SUPT16H: variants seen among roughly 807,000 people sequenced by gnomAD.
SUPT16H encodes the protein SPT16 homolog, facilitates chromatin remodeling subunit.
A neutral mutation model predicts 136.2 loss-of-function variants in SUPT16H; 24 were observed. The ratio of observed to expected loss-of-function variants is 0.18; its 90% CI spans 0.13 to 0.25. The LOEUF is 0.25. Among genes scored for constraint, SUPT16H ranks in the 10% least tolerant of loss-of-function variants. The pLI, the probability that SUPT16H is intolerant of heterozygous loss-of-function variation, is 1.00. For synonymous variants in SUPT16H, 415 were observed against 428.2 expected, an observed-to-expected ratio of 0.97 and a Z score of 0.38; for missense variants, 623 against 1,270.2, an observed-to-expected ratio of 0.49 and a Z score of 7.74.
At chr14:21,374,984 C>T (rs1317051351) in intron 1 of SUPT16H, among the ~76,000 whole-genome samples, 1 of 152,100 alleles carries the variant, frequency 6.6e-6, no homozygotes, top group Non-Finnish European at 1.5e-5. Context: ...GTTTTGATGA[C>T]AGCCATATAA....
intron 1 of SUPT16H, among the ~76,000 whole-genome samples, chr14:21,379,579 G>A (rs1886976426): frequency 6.6e-6 from 1 of 151,886 alleles, no homozygotes; most frequent in Non-Finnish European, 1.5e-5. Flanking sequence ...TTGGCCAGGT[G>A]CAGTGACTTA....
In SUPT16H at chr14:21,357,377, GA is replaced by G; in HGVS notation, c.2491-12del. The stretch of plus-strand genomic sequence containing the variant: ...CACCACAAAAGGTGGCTGTCAGGGA[GA>G]AACTGAATCATTAGCATATAAGTAT... On this transcript the variant is annotated splice_polypyrimidine_tract_variant and intron_variant, in intron 21 of 25. Transcript: ENST00000216297. The G allele has an allele frequency of 6.4e-7, 1 of 1,564,314 alleles. No individual in the cohort carries two copies. Among genetic ancestry groups the G allele is most frequent in the East Asian group, 2.3e-5 (1 of 43,142 alleles).
rs1346083311 is a variant in SUPT16H, at chr14:21,353,576, AT to A, written c.2921-12del. On this transcript the variant is annotated splice_polypyrimidine_tract_variant and intron_variant, in intron 24 of 25. Coordinates refer to ENST00000216297, the MANE Select transcript of SUPT16H (RefSeq NM_007192.4). ...ACTCCTTAGAATAGTCTGGAAGAAA[AT>A]TAATTAAGCGTTAGTCATCATGCGG... is the stretch of plus-strand genomic sequence containing the variant. 1 of 1,613,156 alleles carries A rather than the reference AT, an allele frequency of 6.2e-7. No homozygotes were observed. The highest frequency in any genetic ancestry group is 1.7e-5 in the Admixed American group (1 of 59,796).
At chr14:21,357,415 CAAT>C in intron 21 of SUPT16H, 49 bp from the exon 22 acceptor site, 2 of 1,451,828 alleles carry the variant, frequency 1.4e-6, no homozygotes, top group Non-Finnish European at 9.1e-7. Context: ...TCCCCCAAAG[CAAT>C]AATATTTCAA....
At position 21,366,431 on chromosome 14, in the gene SUPT16H, T is replaced by C. The variant is rs1886668109; in HGVS notation, c.1046+8A>G. 2 of 1,613,426 alleles carry C rather than the reference T, an allele frequency of 1.2e-6. No individual in the cohort carries two copies. The highest frequency in any genetic ancestry group is 1.7e-6 in the Non-Finnish European group (2 of 1,179,678). ...GACTCAAGAATGACAATAGACATCA[T>C]GGCATACCCTAGGTTTTTGGTAATT... On this transcript the variant is annotated splice_region_variant and intron_variant, in intron 8 of 25. Transcript: ENST00000216297.
intron 8 of SUPT16H, 74 bp downstream of exon 8, chr14:21,366,365 T>TA (rs1189337231): frequency 7.1e-7 from 1 of 1,403,528 alleles, no homozygotes; most frequent in South Asian, 1.2e-5. Context: ...TCAATTAGCC[T>TA]AAAGAAATAA....
Position 21,352,544 on chromosome 14 carries a change from C to A in SUPT16H, c.*129G>T. 2 of 1,472,754 alleles carry A rather than the reference C, an allele frequency of 1.4e-6. No individual in the cohort carries two copies. Among genetic ancestry groups the A allele is most frequent in the Non-Finnish European group, 1.8e-6 (2 of 1,086,446 alleles). The allele number at this position is 1,472,754 out of a possible 1,614,324, so 91.2% of individuals were successfully genotyped here. A position where few individuals can be genotyped will look rare whatever the true frequency, so the allele number is the denominator to read the frequency against. ...AGTAGATTGGTCCACACAAATGGCC[C>A]CCTAAACCCATAAACACAAATGGCA... On this transcript the variant is annotated 3_prime_UTR_variant, in exon 26 of 26. Transcript: ENST00000216297.
At chr14:21,380,373 C>G (rs1290051282) in intron 1 of SUPT16H, among the ~76,000 whole-genome samples, 1 of 149,170 alleles carries the variant, frequency 6.7e-6, no homozygotes, top group South Asian at 2.1e-4. Flanking sequence ...TGGACTCAAG[C>G]AATCCTTCCA....
Position 21,361,311 on chromosome 14 carries a change from CTTTTTTTTTT to C in SUPT16H, c.1794-108_1794-99del, listed in dbSNP as rs35486887. The C allele has an allele frequency of 5.3e-4, 246 of 462,208 alleles. 3 individuals are homozygous for C. The highest frequency in any genetic ancestry group is 5.1e-3 in the Middle Eastern group (7 of 1,370). The allele number at this position is 462,208 out of a possible 1,614,324, so 28.6% of individuals were successfully genotyped here. A position where few individuals can be genotyped will look rare whatever the true frequency, so the allele number is the denominator to read the frequency against. On this transcript the variant is annotated intron_variant, in intron 15 of 25. Coordinates refer to ENST00000216297, the MANE Select transcript of SUPT16H (RefSeq NM_007192.4). ...TCTAAGCAGCTTAATCTCTACTTTG[CTTTTTTTTTT>C]TTTTTTTTTTTTTGAGACAGGGTGT...
chr14:21,357,956 T>C lies in SUPT16H; in HGVS notation c.2461A>G (p.Ser821Gly). Residue 821 changes from serine (S) to glycine (G), a missense_variant, in exon 21 of 26, where the codon AGT (serine) becomes GGT (glycine). By Grantham distance (56) the Ser-to-Gly change is moderately conservative. Around this residue, in one of 7 missense-constraint regions of SUPT16H, gnomAD observed 74 missense variants for 193.8 expected, o/e 0.38. Coordinates refer to ENST00000216297, the MANE Select transcript of SUPT16H (RefSeq NM_007192.4). The stretch of plus-strand genomic sequence containing the variant: ...TCCGTAGCATTTACCAGCGCACTAC[T>C]AGTGGGCTGAAGGAGGCAGGTACTC... ...YRSTCLLQPTSSALVNATEWP... is the reference protein window; with the variant it reads ...YRSTCLLQPTGSALVNATEWP... 1 of 1,613,982 alleles carries C rather than the reference T, an allele frequency of 6.2e-7. No individual in the cohort carries two copies. Among genetic ancestry groups the C allele is most frequent in the Non-Finnish European group, 8.5e-7 (1 of 1,179,922 alleles).
Position 21,365,070 on chromosome 14 carries a change from C to T in SUPT16H, c.1120G>A (p.Gly374Arg). ...TTTTCCTATTGTATGTGAAACTTAC[C>T]TTTCTTCAGTTTGTATTGATTTTTG... Reference protein sequence around the residue: ...NSKNQYKLKKGMVFSINLGFS... With the variant: ...NSKNQYKLKKRMVFSINLGFS... The change falls in exon 9 of 26, where the codon GGA becomes AGA. Residue 374 changes from glycine (G) to arginine (R), a missense_variant and splice_region_variant. By Grantham distance (125) the Gly-to-Arg change is moderately radical. Around this residue, in one of 7 missense-constraint regions of SUPT16H, gnomAD observed 343 missense variants for 525.7 expected, o/e 0.65. Transcript: ENST00000216297. 1.2e-6 allele frequency: 2 copies of T among 1,613,494 alleles called. No individual in the cohort carries two copies. The highest frequency in any genetic ancestry group is 1.7e-6 in the Non-Finnish European group (2 of 1,179,714).
At chr14:21,368,241 T>C (rs8008670) in intron 7 of SUPT16H, 28 bp downstream of exon 7, 1,467,092 of 1,592,946 alleles carry the variant, frequency 0.92, 677,137 homozygotes, top group Non-Finnish European at 0.94. Flanking sequence ...TACACAACTT[T>C]CAAACCTCCT....
intron 11 of SUPT16H, 55 bp from the exon 12 acceptor site, chr14:21,363,383 A>AT (rs1886598017): frequency 1.9e-6 from 3 of 1,606,480 alleles, no homozygotes; most frequent in Non-Finnish European, 2.6e-6. Context: ...AGCCAATATT[A>AT]TTTAACTTCT....
intron 15 of SUPT16H, among the ~76,000 whole-genome samples, chr14:21,361,692 A>C (rs921645155): frequency 1.3e-5 from 2 of 152,188 alleles, no homozygotes; most frequent in Admixed American, 1.3e-4. Flanking sequence ...AAATCATAGA[A>C]TCCAATGTGG....
At chr14:21,358,816 A>T (rs1031810806) in intron 19 of SUPT16H, among the ~76,000 whole-genome samples, 1 of 152,068 alleles carries the variant, frequency 6.6e-6, no homozygotes, top group Admixed American at 6.6e-5. Context: ...TTATTTATTT[A>T]TTTATTTTTG....
intron 21 of SUPT16H, 93 bp from the exon 22 acceptor site, chr14:21,357,459 A>T: frequency 7.7e-7 from 1 of 1,294,610 alleles, no homozygotes; most frequent in South Asian, 2.1e-5. Context: ...CACTACATAA[A>T]AGATAACTTA....
At position 21,362,938 on chromosome 14, in the gene SUPT16H, C is replaced by T. The variant is rs1886588165; in HGVS notation, c.1521G>A (p.Lys507=). ...ATGGGTTTTTATAGGACACATTAGA[C>T]TTGCGAGCTCTGGAGTGGGATAAAA... ...KGEQQIQKAR[K]SNVSYKNPSL... The change falls in exon 14 of 26, where the codon AAG becomes AAA. Residue 507 remains lysine (K), a synonymous_variant. Coordinates refer to ENST00000216297, the MANE Select transcript of SUPT16H (RefSeq NM_007192.4). 5.6e-6 allele frequency: 9 copies of T among 1,613,324 alleles called. No individual in the cohort carries two copies. The highest frequency in any genetic ancestry group is 7.6e-6 in the Non-Finnish European group (9 of 1,179,798).
chr14:21,370,565 A>C, intron 3 of SUPT16H, 77 bp from the exon 4 acceptor site: 1 of 1,472,278 alleles, frequency 6.8e-7, no homozygotes, highest in Non-Finnish European at 9.3e-7. Flanking sequence ...AACAGGTAGA[A>C]TAATATTCTA....
At chr14:21,371,784 G>T in intron 3 of SUPT16H, 90 bp downstream of exon 3, 1 of 1,477,636 alleles carries the variant, frequency 6.8e-7, no homozygotes, top group Non-Finnish European at 9.2e-7. Flanking sequence ...AATTTCCCCT[G>T]CGCATTCTTT....
Sources: gnomAD v4.1 joint callset for allele counts (sites outside exome capture counted in the v4.1 genomes callset) on GRCh38, gnomAD v4.1.1 for gene constraint, gnomAD v4.1.1 regional missense constraint, MANE v1.5 for transcripts, NCBI Gene and HGNC (gene_info 2026-07-23, HGNC 2026-07-21) for gene names.